The following SCARB1 variants were observed in gnomAD, a reference collection of about 807,000 sequenced individuals.
SCARB1 encodes the protein scavenger receptor class B member 1.
Under a neutral mutation model 57.2 loss-of-function variants are expected in SCARB1, and 30 were observed. The observed-to-expected ratio is 0.52, with a 90% confidence interval of 0.39 to 0.71. The LOEUF (loss-of-function observed/expected upper bound fraction) is 0.71. Among genes scored for constraint, SCARB1 ranks in the 30% least tolerant of loss-of-function variants. SCARB1 has a pLI of 0.00. For missense variants in SCARB1, 543 were observed against 671.2 expected (o/e 0.81, Z 2.11); for synonymous variants, 249 against 268.3 (o/e 0.93, Z 0.70).
intron 9 of SCARB1, among the ~76,000 whole-genome samples, chr12:124,792,296 T>C (rs1467124918): frequency 6.6e-6 from 1 of 152,070 alleles, no homozygotes; most frequent in Non-Finnish European, 1.5e-5. Flanking sequence ...GCCCTCCACA[T>C]CTGCTGTTGA....
intron 7 of SCARB1, among the ~76,000 whole-genome samples, chr12:124,802,149 CAAA>C (rs10636464): frequency 8.9e-6 from 1 of 111,814 alleles, no homozygotes; most frequent in African/African-American, 3.4e-5. Context: ...GACTGTGTCT[CAAA>C]AAAAAAAAAA....
At position 124,806,206 on chromosome 12, in the gene SCARB1, G is replaced by T. The variant is rs34042305; in HGVS notation, c.1009+1555C>A. Among the ~76,000 whole-genome samples, 517 of 152,252 alleles carry T rather than the reference G, an allele frequency of 3.4e-3. 3 individuals carry two copies. The highest frequency in any genetic ancestry group is 0.012 in the African/African-American group (488 of 41,548). ...TCCGTGGCCTGGACAATGAGGCGGG[G>T]GTTGGGGTGGGGAGCAAGAGAGAGG... On this transcript the variant is annotated intron_variant, in intron 7 of 12. Coordinates refer to ENST00000261693, the MANE Select transcript of SCARB1 (RefSeq NM_005505.5).
chr12:124,814,362 AG>A lies in SCARB1; in HGVS notation c.469del (p.Leu157SerfsTer3). On this transcript the variant is annotated frameshift_variant, in exon 4 of 13. Coordinates refer to ENST00000261693, the MANE Select transcript of SCARB1 (RefSeq NM_005505.5). LOFTEE classifies it high-confidence loss of function. This position sits in a 1 kb window ranked among gnomAD's most constrained non-coding sequence, Gnocchi z 4.7. ...GGTGGTGAATGCCAAGGTCATGATG[AG>A]CTTCAGGGTCATGGGCTTATTCTCC... ...MMENKPMTLKLIMTLAFTTLG... is the reference protein window; with the variant it reads ...MMENKPMTLKXIMTLAFTTLG... The A allele has an allele frequency of 6.2e-7, 1 of 1,614,084 alleles. No homozygotes were observed. Among genetic ancestry groups the A allele is most frequent in the South Asian group, 1.1e-5 (1 of 91,062 alleles).
intron 1 of SCARB1, 58 bp downstream of exon 1, chr12:124,863,536 CG>C (rs1349858456): frequency 1.9e-6 from 3 of 1,558,728 alleles, no homozygotes; most frequent in African/African-American, 2.8e-5. Flanking sequence ...GTCCTCCCGG[CG>C]CCCAGCGCCC....
rs568071716 is a variant in SCARB1, at chr12:124,791,128, C to A, written c.1203-3671G>T. Among the ~76,000 whole-genome samples, 49 of 152,356 alleles carry A rather than the reference C, an allele frequency of 3.2e-4. No homozygotes were observed. The Middle Eastern group carries it at 0.017, about 53-fold the overall frequency. On this transcript the variant is annotated intron_variant, in intron 9 of 12. Transcript: ENST00000261693. ...CCAGATGACATGTCACGTGGGTTGT[C>A]ACAACTCCTTGCAGCAAGAATTGGG...
At chr12:124,782,844 G>A (rs566778942) in intron 11 of SCARB1, 33 bp from the exon 12 acceptor site, 58 of 1,612,706 alleles carry the variant, frequency 3.6e-5, no homozygotes, top group Admixed American at 3.0e-4. Context: ...TATAGTTGAC[G>A]TTGAAGCCAC....
chr12:124,825,352 G>A (rs1417114545), intron 1 of SCARB1, among the ~76,000 whole-genome samples: 1 of 151,126 alleles, frequency 6.6e-6, no homozygotes, highest in Non-Finnish European at 1.5e-5. Context: ...GCAAGAAAGC[G>A]CCAGAAGAAT....
rs142716617 is a variant in SCARB1 at position 124,780,040 on chromosome 12, T to G, written c.*1-1454A>C. ...ACCCCTAGGCTGTAAAAGAACCCCT[T>G]GTCTTTCCCAAGGAAGACACGTGGA... On this transcript the variant is annotated intron_variant, in intron 12 of 12. Coordinates refer to ENST00000261693, the MANE Select transcript of SCARB1 (RefSeq NM_005505.5). Among the ~76,000 whole-genome samples, 632 of 152,296 alleles carry G rather than the reference T, an allele frequency of 4.1e-3. 8 individuals are homozygous for G. The highest frequency in any genetic ancestry group is 0.014 in the African/African-American group (581 of 41,560).
chr12:124,800,274 A>G lies in SCARB1; in HGVS notation c.1010-32T>C. 1 of 1,529,400 alleles carries G rather than the reference A, an allele frequency of 6.5e-7. No individual in the cohort carries two copies. Among genetic ancestry groups the G allele is most frequent in the Non-Finnish European group, 9.1e-7 (1 of 1,104,386 alleles). 94.7% of individuals were successfully genotyped at this position (1,529,400 alleles called of 1,614,324 possible). A position where few individuals can be genotyped will look rare whatever the true frequency, so the allele number is the denominator to read the frequency against. On this transcript the variant is annotated intron_variant, in intron 7 of 12. Transcript: ENST00000261693. This position sits in a 1 kb window ranked among gnomAD's most constrained non-coding sequence, Gnocchi z 4.8. ...GAGGGGCAGGGAGGGGACATCAGAC[A>G]AGGACAGTATATTGGCAGGTCCTGC...
At position 124,814,777 on chromosome 12, in the gene SCARB1, A is replaced by G. The variant is rs150554410; in HGVS notation, c.426+196T>C. On this transcript the variant is annotated intron_variant, in intron 3 of 12. Transcript: ENST00000261693. This position sits in a 1 kb window ranked among gnomAD's most constrained non-coding sequence, Gnocchi z 4.7. ...CTTTGGCCAGGACTTCCAAACCAAG[A>G]CAGGTGGACCCACCTGGGAAACTCA... is the stretch of plus-strand genomic sequence containing the variant. 6.6e-6 allele frequency among the ~76,000 whole-genome samples: 1 copy of G among 152,316 alleles called. No individual in the cohort carries two copies. Among genetic ancestry groups the G allele is most frequent in the East Asian group, 1.9e-4 (1 of 5,174 alleles).
At chr12:124,844,159 C>T (rs1163325668) in intron 1 of SCARB1, among the ~76,000 whole-genome samples, 8 of 152,148 alleles carry the variant, frequency 5.3e-5, no homozygotes, top group Non-Finnish European at 1.2e-4. Context: ...GGAATAAATA[C>T]AACAGGATGA....
At chr12:124,791,341 C>T (rs920209782) in intron 9 of SCARB1, among the ~76,000 whole-genome samples, 1 of 152,140 alleles carries the variant, frequency 6.6e-6, no homozygotes, top group Non-Finnish European at 1.5e-5. Context: ...GCCTTGGGAC[C>T]CCTGACACAG....
chr12:124,855,214 G>T (rs1323491842), intron 1 of SCARB1, among the ~76,000 whole-genome samples: 1 of 152,164 alleles, frequency 6.6e-6, no homozygotes, highest in Admixed American at 6.5e-5. Context: ...GGCCCCTCCC[G>T]TTCCTTCCCC....
At position 124,789,522 on chromosome 12, in the gene SCARB1, G is replaced by A. The variant is rs867446910; in HGVS notation, c.1203-2065C>T. Among the ~76,000 whole-genome samples the A allele has an allele frequency of 2.0e-5, 3 of 152,146 alleles. No homozygotes were observed. Among genetic ancestry groups the A allele is most frequent in the South Asian group, 4.2e-4 (2 of 4,818 alleles). The stretch of plus-strand genomic sequence containing the variant: ...GGGGAGAGCGTCCTGGAATATCTAG[G>A]TGGGTCCATGCAGATATGGTTACAT... On this transcript the variant is annotated intron_variant, in intron 9 of 12. Coordinates refer to ENST00000261693, the MANE Select transcript of SCARB1 (RefSeq NM_005505.5). The surrounding 1 kb of genome is among the most constrained non-coding windows in gnomAD (Gnocchi z 4.4).
Position 124,822,976 on chromosome 12 carries a change from T to A in SCARB1, c.127-5269A>T, listed in dbSNP as rs542023630. 4.6e-5 allele frequency among the ~76,000 whole-genome samples: 7 copies of A among 152,338 alleles called. No homozygotes were observed. The South Asian group carries it at 1.5e-3, about 32-fold the overall frequency. On this transcript the variant is annotated intron_variant, in intron 1 of 12. Coordinates refer to ENST00000261693, the MANE Select transcript of SCARB1 (RefSeq NM_005505.5). This position sits in a 1 kb window ranked among gnomAD's most constrained non-coding sequence, Gnocchi z 5.0. Reference sequence around the variant, plus strand: ...AGAATATTTTAAGTAAAAAAAAATTTAAAAATGAATACTATTACTACCTTT... The same window carrying A: ...AGAATATTTTAAGTAAAAAAAAATTAAAAAATGAATACTATTACTACCTTT...
intron 1 of SCARB1, among the ~76,000 whole-genome samples, chr12:124,821,944 T>C (rs1950971055): frequency 6.6e-6 from 1 of 152,164 alleles, no homozygotes; most frequent in Admixed American, 6.6e-5. Flanking sequence ...TCTATGATTC[T>C]GTCCCCACCA....
intron 1 of SCARB1, among the ~76,000 whole-genome samples, chr12:124,825,306 T>C (rs1360282925): frequency 6.6e-6 from 1 of 151,580 alleles, no homozygotes; most frequent in Non-Finnish European, 1.5e-5. Context: ...ATCTGACAGT[T>C]TGAAAACTCT....
Position 124,817,147 on chromosome 12 carries a change from T to C in SCARB1, c.284+403A>G, listed in dbSNP as rs910157148. The stretch of plus-strand genomic sequence containing the variant: ...ATGTATGTGTGTATGTGTATGTGTA[T>C]GTGTGTGTATGTATGTGTGTAACTC... On this transcript the variant is annotated intron_variant, in intron 2 of 12. Transcript: ENST00000261693. This position sits in a 1 kb window ranked among gnomAD's most constrained non-coding sequence, Gnocchi z 4.8. Among the ~76,000 whole-genome samples the C allele has an allele frequency of 9.2e-5, 14 of 151,412 alleles. No homozygotes were observed. The highest frequency in any genetic ancestry group is 3.2e-4 in the African/African-American group (13 of 41,256).
chr12:124,831,260 T>C (rs1300160963), intron 1 of SCARB1, among the ~76,000 whole-genome samples: 1 of 152,160 alleles, frequency 6.6e-6, no homozygotes, highest in Non-Finnish European at 1.5e-5. Flanking sequence ...ATTACAGGCA[T>C]GAGCCACCGC....
Sources: gnomAD v4.1 joint callset for allele counts (sites outside exome capture counted in the v4.1 genomes callset) on GRCh38, gnomAD v4.1.1 for gene constraint, Gnocchi (gnomAD v3.1) non-coding constraint, MANE v1.5 for transcripts, NCBI Gene and HGNC (gene_info 2026-07-23, HGNC 2026-07-21) for gene names.